Variants in TENT2 observed in about 807,000 individuals in gnomAD.
TENT2 encodes terminal nucleotidyltransferase 2, also known as poly(A) RNA polymerase GLD2.
A neutral mutation model predicts 72.2 loss-of-function variants in TENT2; 44 were observed. The ratio of observed to expected loss-of-function variants is 0.61; its 90% CI spans 0.48 to 0.78. TENT2 has a LOEUF of 0.78. Among genes scored for constraint, TENT2 ranks in the 30% least tolerant of loss-of-function variants. The pLI, the probability that TENT2 is intolerant of heterozygous loss-of-function variation, is 0.00. For missense variants in TENT2, 541 were observed against 569.6 expected, an observed-to-expected ratio of 0.95 and a Z score of 0.51; for synonymous variants, 212 against 192.5, an observed-to-expected ratio of 1.10 and a Z score of -0.84.
chr5:79,662,250 G>T (rs1019614323), intron 11 of TENT2, among the ~76,000 whole-genome samples: 4 of 152,226 alleles, frequency 2.6e-5, no homozygotes, highest in Admixed American at 2.0e-4. Context: ...CACATCTGCA[G>T]TTACTTCCTC....
intron 4 of TENT2, among the ~76,000 whole-genome samples, chr5:79,640,204 C>T (rs528467988): frequency 2.0e-5 from 3 of 150,790 alleles, no homozygotes; most frequent in South Asian, 4.2e-4. Context: ...TGCAGTGAGC[C>T]GAGATCGCAC....
intron 4 of TENT2, among the ~76,000 whole-genome samples, chr5:79,637,135 G>C (rs1445661500): frequency 3.9e-5 from 6 of 152,108 alleles, no homozygotes; most frequent in African/African-American, 1.4e-4. Flanking sequence ...TTGCAGGGCT[G>C]AGATGGGAGG....
chr5:79,631,986 C>G (rs61142612), intron 4 of TENT2, among the ~76,000 whole-genome samples: 30,857 of 152,052 alleles, frequency 0.2, 4,621 homozygotes, highest in African/African-American at 0.42. Flanking sequence ...TTTTCTCTCT[C>G]AATTACTATG....
At position 79,663,112 on chromosome 5, in the gene TENT2, A is replaced by C. The variant is rs140110469; in HGVS notation, c.1072-5780A>C. 4.1e-3 allele frequency among the ~76,000 whole-genome samples: 630 copies of C among 152,206 alleles called. 2 individuals are homozygous for C. The highest frequency in any genetic ancestry group is 0.011 in the African/African-American group (439 of 41,520). On this transcript the variant is annotated intron_variant, in intron 11 of 14. Coordinates refer to ENST00000453514, the MANE Select transcript of TENT2 (RefSeq NM_001114394.3). Reference sequence around the variant, plus strand: ...CATAACCAGCCTCTGCTACCTTCCAACTTTTCTTCTGCAGCTTCCTCACCT... The same window carrying C: ...CATAACCAGCCTCTGCTACCTTCCACCTTTTCTTCTGCAGCTTCCTCACCT...
At chr5:79,644,127 G>GT (rs1408496313) in intron 7 of TENT2, among the ~76,000 whole-genome samples, 1 of 151,888 alleles carries the variant, frequency 6.6e-6, no homozygotes. Flanking sequence ...GATTACAGGT[G>GT]TGTGCCACCT....
intron 11 of TENT2, among the ~76,000 whole-genome samples, chr5:79,659,553 A>AATTT (rs1561546934): frequency 3.7e-5 from 1 of 26,854 alleles, no homozygotes; most frequent in Non-Finnish European, 5.6e-5. Context: ...AAAAAAAAAA[A>AATTT]ATGTATATAT....
At chr5:79,643,712 A>T (rs1053989581) in intron 7 of TENT2, among the ~76,000 whole-genome samples, 56 of 152,210 alleles carry the variant, frequency 3.7e-4, no homozygotes, top group African/African-American at 1.3e-3. Context: ...AATAAAGAAT[A>T]ATTCATACCT....
chr5:79,626,349 C>A (rs1345391765), intron 4 of TENT2, among the ~76,000 whole-genome samples: 1 of 150,692 alleles, frequency 6.6e-6, no homozygotes, highest in Non-Finnish European at 1.5e-5. Flanking sequence ...ACTCTGTCGC[C>A]CAGGCTGGAG....
At chr5:79,674,103 GC>G (rs1815198468) in intron 12 of TENT2, among the ~76,000 whole-genome samples, 1 of 152,172 alleles carries the variant, frequency 6.6e-6, no homozygotes, top group Admixed American at 6.5e-5. Flanking sequence ...AACAAACAAG[GC>G]CGGGCGTGGT....
intron 10 of TENT2, among the ~76,000 whole-genome samples, chr5:79,655,745 AG>A (rs1379980787): frequency 1.5e-5 from 2 of 137,226 alleles, no homozygotes; most frequent in African/African-American, 6.3e-5. Context: ...GTAATGATTG[AG>A]TTTTTTTTTT....
Position 79,687,651 on chromosome 5 carries a change from AC to A in TENT2, c.*2383del, listed in dbSNP as rs758574131. ...GATGCAACCATTCTGCCTCCTCCCT[AC>A]CCCCTCCCAAATATTTTTCATCCTG... is the stretch of plus-strand genomic sequence containing the variant. On this transcript the variant is annotated 3_prime_UTR_variant, in exon 15 of 15. Coordinates refer to ENST00000453514, the MANE Select transcript of TENT2 (RefSeq NM_001114394.3). 1.2e-4 allele frequency among the ~76,000 whole-genome samples: 18 copies of A among 151,730 alleles called. No individual in the cohort carries two copies. The highest frequency in any genetic ancestry group is 2.0e-4 in the Admixed American group (3 of 15,208).
chr5:79,676,610 A>C (rs921856726), intron 12 of TENT2, among the ~76,000 whole-genome samples: 8 of 152,104 alleles, frequency 5.3e-5, no homozygotes, highest in African/African-American at 1.4e-4. Flanking sequence ...AAGAATGGCT[A>C]AAGAGAGTTT....
rs1486026956 is a variant in TENT2 at position 79,640,920 on chromosome 5, C to G, written c.535C>G (p.Leu179Val). 7 of 1,612,128 alleles carry G rather than the reference C, an allele frequency of 4.3e-6. No homozygotes were observed. The highest frequency in any genetic ancestry group is 1.7e-5 in the Admixed American group (1 of 59,696). The change falls in exon 5 of 15, where the codon CTC becomes GTC. Residue 179 changes from leucine to valine, a missense_variant. Transcript: ENST00000453514. ...QQISDLKKKE[L>V]CRTQLQREIQ... ...AATAAGTGATTTAAAGAAGAAAGAACTCTGTCGAACACAGCTGCAGAGAGA... is the reference window on the plus strand; with the variant it reads ...AATAAGTGATTTAAAGAAGAAAGAAGTCTGTCGAACACAGCTGCAGAGAGA...
At chr5:79,678,970 A>C (rs1253548403) in intron 12 of TENT2, among the ~76,000 whole-genome samples, 1 of 152,026 alleles carries the variant, frequency 6.6e-6, no homozygotes, top group Non-Finnish European at 1.5e-5. Flanking sequence ...CAGTGGCATG[A>C]CCTCTGCTCA....
intron 4 of TENT2, among the ~76,000 whole-genome samples, chr5:79,628,760 G>A (rs1772568859): frequency 6.6e-6 from 1 of 152,162 alleles, no homozygotes; most frequent in Admixed American, 6.5e-5. Context: ...TTCATGTTCT[G>A]CAAATTGCAC....
intron 12 of TENT2, among the ~76,000 whole-genome samples, chr5:79,670,192 C>CAT (rs1811832476): frequency 6.8e-6 from 1 of 148,128 alleles, no homozygotes; most frequent in Admixed American, 6.8e-5. Flanking sequence ...GCACTCCAGC[C>CAT]TGGGCAACAA....
intron 14 of TENT2, among the ~76,000 whole-genome samples, chr5:79,684,022 C>G (rs1411535904): frequency 6.8e-6 from 1 of 147,042 alleles, no homozygotes; most frequent in Non-Finnish European, 1.5e-5. Flanking sequence ...ATTGAGAACT[C>G]AAAATTAGCA....
intron 1 of TENT2, among the ~76,000 whole-genome samples, chr5:79,617,978 T>C (rs1761687956): frequency 6.6e-6 from 1 of 152,218 alleles, no homozygotes; most frequent in Non-Finnish European, 1.5e-5. Context: ...GATTGGTGTC[T>C]TTCAGTCTTT....
intron 8 of TENT2, among the ~76,000 whole-genome samples, chr5:79,648,008 T>G (rs113721915): frequency 0.012 from 1,776 of 152,340 alleles, 30 homozygotes; most frequent in African/African-American, 0.041. Flanking sequence ...CCCCTGTATT[T>G]AATTTGGCTT....
Sources: gnomAD v4.1 joint callset for allele counts (sites outside exome capture counted in the v4.1 genomes callset) on GRCh38, gnomAD v4.1.1 for gene constraint, MANE v1.5 for transcripts, NCBI Gene and HGNC (gene_info 2026-07-23, HGNC 2026-07-21) for gene names.